Variants in MAN1A1 observed in about 807,000 individuals in gnomAD.
MAN1A1 encodes mannosidase alpha class 1A member 1.
A neutral mutation model predicts 70.8 loss-of-function variants in MAN1A1; 29 were observed. The ratio of observed to expected loss-of-function variants is 0.41; its 90% CI spans 0.31 to 0.56. MAN1A1 has a LOEUF of 0.56. Ranked by LOEUF, MAN1A1 falls within the 20% of genes least tolerant of loss-of-function variation. The pLI is 0.29. For missense variants in MAN1A1, 747 were observed against 841.3 expected (o/e 0.89, Z 1.39); for synonymous variants, 349 against 330.1 (o/e 1.06, Z -0.62).
In MAN1A1 at chr6:119,275,101, G is replaced by A. The variant is rs953975841; in HGVS notation, c.897+15582C>T. On this transcript the variant is annotated intron_variant, in intron 5 of 12. Transcript: ENST00000368468. ...AAGTGGAAGATTTCATGGGCTAGAA[G>A]GTTGCTGCTAGTTCATTTTTTTTTT... 5.9e-5 allele frequency among the ~76,000 whole-genome samples: 9 copies of A among 151,784 alleles called. No homozygotes were observed. In the East Asian group the frequency reaches 1.6e-3, roughly 26 times the overall value.
At chr6:119,184,749 T>G (rs926359) in intron 11 of MAN1A1, among the ~76,000 whole-genome samples, 29,307 of 151,944 alleles carry the variant, frequency 0.19, 3,027 homozygotes, top group East Asian at 0.3. Context: ...CCCAAATCCC[T>G]AGGTAAGGCT....
chr6:119,229,970 G>A (rs1223026939), intron 6 of MAN1A1, among the ~76,000 whole-genome samples: 4 of 152,116 alleles, frequency 2.6e-5, no homozygotes, highest in Non-Finnish European at 5.9e-5. Context: ...TGCTAGCTGT[G>A]TCAAATACCT....
intron 6 of MAN1A1, among the ~76,000 whole-genome samples, chr6:119,215,616 T>C (rs965056575): frequency 6.6e-6 from 1 of 152,232 alleles, no homozygotes. Context: ...AGATTGGGTC[T>C]ACACTTGGCA....
chr6:119,338,401 C>T (rs1285219528), intron 2 of MAN1A1, among the ~76,000 whole-genome samples: 1 of 151,968 alleles, frequency 6.6e-6, no homozygotes, highest in African/African-American at 2.4e-5. Context: ...ATATCTTTGA[C>T]AAAATGCATA....
chr6:119,340,957 G>A (rs1773579346), intron 2 of MAN1A1, among the ~76,000 whole-genome samples: 1 of 152,190 alleles, frequency 6.6e-6, no homozygotes, highest in African/African-American at 2.4e-5. Context: ...TGAGAAACAC[G>A]AGCGAGAAGG....
chr6:119,261,436 G>C (rs1267978583), intron 5 of MAN1A1, among the ~76,000 whole-genome samples: 1 of 152,116 alleles, frequency 6.6e-6, no homozygotes, highest in Non-Finnish European at 1.5e-5. Flanking sequence ...TATGTACTTA[G>C]GCACCAAGTT....
chr6:119,348,450 G>C lies in MAN1A1; in HGVS notation c.603+13C>G, dbSNP rs760624996. On this transcript the variant is annotated intron_variant, in intron 2 of 12. Coordinates refer to ENST00000368468, the MANE Select transcript of MAN1A1 (RefSeq NM_005907.4). ...CGGCCGGTCGGGAGGGATTTCTGGC[G>C]CGGCCCACTCACCTCTTTGATCTTT... The C allele has an allele frequency of 6.4e-7, 1 of 1,568,268 alleles. No individual in the cohort carries two copies. The highest frequency in any genetic ancestry group is 1.8e-5 in the Admixed American group (1 of 55,068).
chr6:119,180,265 C>T, intron 12 of MAN1A1, 47 bp downstream of exon 12: 2 of 1,268,340 alleles, frequency 1.6e-6, no homozygotes, highest in Non-Finnish European at 2.3e-6. Context: ...CTACAAAGAT[C>T]TGTTCAGGTA....
chr6:119,242,627 T>C (rs933687480), intron 6 of MAN1A1, among the ~76,000 whole-genome samples: 2 of 152,156 alleles, frequency 1.3e-5, no homozygotes, highest in Admixed American at 6.6e-5. Flanking sequence ...AATAGAACCA[T>C]AAATTAAGAA....
chr6:119,208,828 A>G (rs898779576), intron 6 of MAN1A1, among the ~76,000 whole-genome samples: 8 of 152,064 alleles, frequency 5.3e-5, no homozygotes, highest in African/African-American at 1.9e-4. Flanking sequence ...TGTGTGATGC[A>G]TCATTCCAGT....
In MAN1A1 at chr6:119,348,936, G is replaced by A. The variant is rs1389323371; in HGVS notation, c.130C>T (p.Leu44=). 6.5e-7 allele frequency: 1 copy of A among 1,533,816 alleles called. No individual in the cohort carries two copies. The highest frequency in any genetic ancestry group is 8.8e-7 in the Non-Finnish European group (1 of 1,140,704). ...ATGAAGGCGCTGAATACCAGCAGCA[G>A]CACGAACTTCTCCGTCAGGCGGAGG... The part of the protein sequence containing the change: ...AALRLTEKFV[L]LLVFSAFITL... The change falls in exon 2 of 13, where the codon CTG becomes TTG. Residue 44 remains leucine (L), a synonymous_variant. Coordinates refer to ENST00000368468, the MANE Select transcript of MAN1A1 (RefSeq NM_005907.4).
At chr6:119,197,751 G>T (rs576199954) in intron 8 of MAN1A1, among the ~76,000 whole-genome samples, 1 of 152,232 alleles carries the variant, frequency 6.6e-6, no homozygotes, top group African/African-American at 2.4e-5. Flanking sequence ...CACAGAATGG[G>T]GGTTGGGGCA....
At chr6:119,215,809 C>T (rs1180968527) in intron 6 of MAN1A1, among the ~76,000 whole-genome samples, 1 of 152,066 alleles carries the variant, frequency 6.6e-6, no homozygotes, top group Admixed American at 6.6e-5. Context: ...AAGTGGAATG[C>T]CAATGTGAAA....
At chr6:119,192,012 T>C (rs948330801) in intron 9 of MAN1A1, among the ~76,000 whole-genome samples, 2 of 152,158 alleles carry the variant, frequency 1.3e-5, no homozygotes, top group Non-Finnish European at 2.9e-5. Flanking sequence ...CTTTTACTAC[T>C]AAGAGAAGCA....
At chr6:119,183,724 C>T (rs1773213792) in intron 11 of MAN1A1, among the ~76,000 whole-genome samples, 1 of 152,092 alleles carries the variant, frequency 6.6e-6, no homozygotes. Context: ...ACCTTTCTTT[C>T]TAGTTCACCC....
At chr6:119,311,083 T>G (rs1317552943) in intron 2 of MAN1A1, among the ~76,000 whole-genome samples, 1 of 152,206 alleles carries the variant, frequency 6.6e-6, no homozygotes, top group Non-Finnish European at 1.5e-5. Flanking sequence ...GCCCACTTTC[T>G]GCACACACAA....
At chr6:119,342,590 G>A (rs950971439) in intron 2 of MAN1A1, among the ~76,000 whole-genome samples, 4 of 152,306 alleles carry the variant, frequency 2.6e-5, no homozygotes, top group Middle Eastern at 3.4e-3. Flanking sequence ...TCAGACCCAC[G>A]TTATCTGAGT....
intron 6 of MAN1A1, 69 bp downstream of exon 6, chr6:119,248,191 G>A: frequency 3.0e-6 from 3 of 1,003,102 alleles, no homozygotes; most frequent in South Asian, 2.7e-5. Flanking sequence ...TCTATCTAAT[G>A]TATACTTATT....
intron 6 of MAN1A1, among the ~76,000 whole-genome samples, chr6:119,232,679 ATGTGTGTGTGTGTGTGTGTG>A (rs78960133): frequency 7.0e-6 from 1 of 143,396 alleles, no homozygotes; most frequent in Non-Finnish European, 1.5e-5. Context: ...ACACATATAT[ATGTGTGTGTGTGTGTGTGTG>A]TGTGTGTGTG....
Sources: gnomAD v4.1 joint callset for allele counts (sites outside exome capture counted in the v4.1 genomes callset) on GRCh38, gnomAD v4.1.1 for gene constraint, MANE v1.5 for transcripts, NCBI Gene and HGNC (gene_info 2026-07-23, HGNC 2026-07-21) for gene names.